CSMD1: variants seen among roughly 807,000 people sequenced by gnomAD.
CSMD1 encodes CUB and Sushi multiple domains 1, also known as CUB and sushi domain-containing protein 1.
CSMD1 carries 213 observed loss-of-function variants against 417.5 expected under a neutral mutation model. The ratio of observed to expected loss-of-function variants is 0.51; its 90% CI spans 0.46 to 0.57. CSMD1 has a LOEUF of 0.57. CSMD1 is among the 20% of genes least tolerant of loss of function. CSMD1 has a pLI of 0.00. For missense variants in CSMD1, 6,923 were observed against 4,529.7 expected, an observed-to-expected ratio of 1.53 and a Z score of -15.17; for synonymous variants, 2,862 against 1,736.8, an observed-to-expected ratio of 1.65 and a Z score of -16.11.
At chr8:4,419,346 A>G (rs546858081) in intron 3 of CSMD1, among the ~76,000 whole-genome samples, 1 of 152,202 alleles carries the variant, frequency 6.6e-6, no homozygotes, top group African/African-American at 2.4e-5. Flanking sequence ...TTGAAATGAT[A>G]ATTTCCTTTT....
intron 2 of CSMD1, among the ~76,000 whole-genome samples, chr8:4,430,959 A>G (rs1044388617): frequency 1.3e-5 from 2 of 152,152 alleles, no homozygotes; most frequent in African/African-American, 4.8e-5. Flanking sequence ...TTTTATATCA[A>G]GATGTCCTTT....
intron 12 of CSMD1, among the ~76,000 whole-genome samples, chr8:3,466,885 T>G (rs1484702943): frequency 6.6e-6 from 1 of 152,214 alleles, no homozygotes; most frequent in Non-Finnish European, 1.5e-5. Context: ...TTAGAATGTC[T>G]TCTACTGTTA....
In CSMD1 at chr8:4,517,289, C is replaced by T. The variant is rs140726049; in HGVS notation, c.303-97224G>A. On this transcript the variant is annotated intron_variant, in intron 2 of 69. Coordinates refer to ENST00000635120, the MANE Select transcript of CSMD1 (RefSeq NM_033225.6). ...TTTTAGACTAACGTAGTGATAAAAG[C>T]TGTATGTCGTGAGGGTCAGGCAGGC... 4.8e-4 allele frequency among the ~76,000 whole-genome samples: 73 copies of T among 152,210 alleles called. 1 individual carries two copies. The East Asian group carries it at 0.012, about 25-fold the overall frequency.
intron 10 of CSMD1, among the ~76,000 whole-genome samples, chr8:3,546,720 GAAGATAA>G (rs904566796): frequency 6.6e-6 from 1 of 152,158 alleles, no homozygotes; most frequent in Non-Finnish European, 1.5e-5. Context: ...AGGAATTACT[GAAGATAA>G]AAGGAGCTGC....
intron 2 of CSMD1, among the ~76,000 whole-genome samples, chr8:4,506,065 C>A (rs1160711388): frequency 1.3e-5 from 2 of 152,080 alleles, no homozygotes; most frequent in East Asian, 3.9e-4. Flanking sequence ...GTAAAGCAAT[C>A]AAAAGCCATT....
At chr8:3,820,489 C>G (rs1801669390) in intron 5 of CSMD1, among the ~76,000 whole-genome samples, 2 of 152,198 alleles carry the variant, frequency 1.3e-5, no homozygotes, top group Non-Finnish European at 1.5e-5. Context: ...GGAAGTTTGT[C>G]AGGGTCAACA....
intron 6 of CSMD1, among the ~76,000 whole-genome samples, chr8:3,749,894 C>G (rs1206740533): frequency 6.6e-6 from 1 of 152,126 alleles, no homozygotes; most frequent in Non-Finnish European, 1.5e-5. Context: ...GGGACATTCT[C>G]TGTACCTATT....
At chr8:3,055,101 C>A (rs558364899) in intron 49 of CSMD1, among the ~76,000 whole-genome samples, 5 of 152,184 alleles carry the variant, frequency 3.3e-5, no homozygotes, top group Non-Finnish European at 7.3e-5. Context: ...CTCATTTGGG[C>A]AGAGCAGGGA....
At chr8:4,272,915 A>G (rs1003669096) in intron 3 of CSMD1, among the ~76,000 whole-genome samples, 5 of 152,216 alleles carry the variant, frequency 3.3e-5, no homozygotes, top group African/African-American at 9.6e-5. Context: ...TAGAAATCAA[A>G]TAAGAAGTAT....
chr8:3,983,723 G>C (rs988968483), intron 5 of CSMD1, among the ~76,000 whole-genome samples: 1 of 152,184 alleles, frequency 6.6e-6, no homozygotes, highest in South Asian at 2.1e-4. Flanking sequence ...GCTAAGTATG[G>C]TTAGATGTTC....
chr8:4,163,081 G>C (rs959704513), intron 3 of CSMD1, among the ~76,000 whole-genome samples: 8 of 152,068 alleles, frequency 5.3e-5, no homozygotes, highest in African/African-American at 1.4e-4. Context: ...TTTTGTTTTA[G>C]CAATGAATAA....
chr8:3,992,524 C>T (rs1439356068), intron 5 of CSMD1, among the ~76,000 whole-genome samples: 1 of 152,136 alleles, frequency 6.6e-6, no homozygotes, highest in East Asian at 1.9e-4. Context: ...GTGGCTCATG[C>T]CTGTAATTCC....
At chr8:4,851,110 C>G (rs1229830849) in intron 1 of CSMD1, among the ~76,000 whole-genome samples, 7 of 129,508 alleles carry the variant, frequency 5.4e-5, no homozygotes, top group African/African-American at 1.6e-4. Flanking sequence ...TCCCCACACC[C>G]CACAACAGTC....
At chr8:3,360,365 C>T (rs17065905) in intron 20 of CSMD1, among the ~76,000 whole-genome samples, 35,536 of 152,190 alleles carry the variant, frequency 0.23, 4,239 homozygotes, top group African/African-American at 0.28. Context: ...TTCTGATCTC[C>T]GTAGTATGTA....
chr8:4,362,368 C>G (rs1384470870), intron 3 of CSMD1, among the ~76,000 whole-genome samples: 1 of 151,746 alleles, frequency 6.6e-6, no homozygotes, highest in Non-Finnish European at 1.5e-5. Flanking sequence ...CCCCTGCACT[C>G]ATAGTGGTCC....
At chr8:3,922,252 C>G (rs1190508509) in intron 5 of CSMD1, among the ~76,000 whole-genome samples, 2 of 151,952 alleles carry the variant, frequency 1.3e-5, no homozygotes, top group African/African-American at 4.8e-5. Context: ...TCTTTACTTT[C>G]AACCTATGTG....
At chr8:4,599,684 T>C (rs979365690) in intron 2 of CSMD1, among the ~76,000 whole-genome samples, 2 of 152,216 alleles carry the variant, frequency 1.3e-5, no homozygotes, top group African/African-American at 4.8e-5. Context: ...TATTTCACCA[T>C]CAGCATGGCC....
intron 5 of CSMD1, among the ~76,000 whole-genome samples, chr8:3,889,902 G>A (rs1001924122): frequency 2.0e-5 from 3 of 152,086 alleles, no homozygotes; most frequent in Non-Finnish European, 4.4e-5. Context: ...TACTTTCTGA[G>A]TTGCGCATAA....
At chr8:4,598,681 C>T (rs1800413213) in intron 2 of CSMD1, among the ~76,000 whole-genome samples, 1 of 152,148 alleles carries the variant, frequency 6.6e-6, no homozygotes, top group Non-Finnish European at 1.5e-5. Flanking sequence ...GAAATATTTA[C>T]ACTCGTTGAC....
Sources: gnomAD v4.1 joint callset for allele counts (sites outside exome capture counted in the v4.1 genomes callset) on GRCh38, gnomAD v4.1.1 for gene constraint, MANE v1.5 for transcripts, NCBI Gene and HGNC (gene_info 2026-07-23, HGNC 2026-07-21) for gene names.